NALF1: variants seen among roughly 807,000 people sequenced by gnomAD.
NALF1 encodes NALCN channel auxiliary factor 1, also known as family with sequence similarity 155 member A.
Under a neutral mutation model 48.4 loss-of-function variants are expected in NALF1, and 3 were observed. The ratio of observed to expected loss-of-function variants is 0.06; its 90% CI spans 0.03 to 0.16. The LOEUF (loss-of-function observed/expected upper bound fraction) is 0.16. Among genes scored for constraint, NALF1 ranks in the 10% least tolerant of loss-of-function variants. The pLI is 1.00. For synonymous variants in NALF1, 262 were observed against 245.7 expected (o/e 1.07, Z -0.62); for missense variants, 526 against 571.5 (o/e 0.92, Z 0.81).
chr13:107,596,277 T>A (rs766458785), intron 1 of NALF1, among the ~76,000 whole-genome samples: 20 of 152,298 alleles, frequency 1.3e-4, no homozygotes, highest in South Asian at 4.1e-4. Context: ...TCCTCAAGGA[T>A]CTAGAATCAG....
intron 2 of NALF1, among the ~76,000 whole-genome samples, chr13:107,190,068 G>T (rs1879251017): frequency 1.3e-5 from 2 of 152,130 alleles, no homozygotes; most frequent in Non-Finnish European, 2.9e-5. Context: ...TGGCACTGAG[G>T]GGTCCACATT....
intron 1 of NALF1, among the ~76,000 whole-genome samples, chr13:107,355,758 A>G (rs1371407933): frequency 6.6e-6 from 1 of 152,150 alleles, no homozygotes; most frequent in Admixed American, 6.5e-5. Context: ...CTGTGGAATG[A>G]TGACCAAATT....
At chr13:107,443,312 T>C (rs1360401786) in intron 1 of NALF1, among the ~76,000 whole-genome samples, 1 of 151,862 alleles carries the variant, frequency 6.6e-6, no homozygotes, top group Admixed American at 6.6e-5. Context: ...ACCTCCGGGG[T>C]TCAAGTGATT....
At chr13:107,205,425 GGT>G (rs1491173432) in intron 2 of NALF1, among the ~76,000 whole-genome samples, 2 of 151,356 alleles carry the variant, frequency 1.3e-5, no homozygotes, top group Admixed American at 1.3e-4. Flanking sequence ...CCTCCCCTCA[GGT>G]TATTCCCTTC....
intron 1 of NALF1, among the ~76,000 whole-genome samples, chr13:107,608,364 G>A (rs533828563): frequency 1.3e-5 from 2 of 152,310 alleles, no homozygotes; most frequent in Admixed American, 6.5e-5. Flanking sequence ...AGAATCTACA[G>A]ATAATTCCAG....
chr13:107,749,644 T>C lies in NALF1; in HGVS notation c.915+116038A>G, dbSNP rs1273006018. 2.6e-5 allele frequency among the ~76,000 whole-genome samples: 4 copies of C among 152,036 alleles called. No individual in the cohort carries two copies. The South Asian group carries it at 8.3e-4, about 32-fold the overall frequency. On this transcript the variant is annotated intron_variant, in intron 1 of 2. Coordinates refer to ENST00000375915, the MANE Select transcript of NALF1 (RefSeq NM_001080396.3). ...TTTTACATACTACAGTATACTGTAG[T>C]TGTTCATAGTATATCTTCAAAATCT...
intron 1 of NALF1, among the ~76,000 whole-genome samples, chr13:107,263,546 A>G (rs932960623): frequency 1.3e-5 from 2 of 152,124 alleles, no homozygotes; most frequent in Non-Finnish European, 1.5e-5. Flanking sequence ...TCATGGGGGC[A>G]GTTCCCCCAT....
At chr13:107,808,426 A>C (rs1376653458) in intron 1 of NALF1, among the ~76,000 whole-genome samples, 2 of 152,056 alleles carry the variant, frequency 1.3e-5, no homozygotes, top group African/African-American at 4.8e-5. Flanking sequence ...ATTTTTCCCA[A>C]GATTTGTCCT....
intron 1 of NALF1, among the ~76,000 whole-genome samples, chr13:107,366,441 A>G (rs1309781065): frequency 2.0e-5 from 3 of 152,206 alleles, no homozygotes; most frequent in Non-Finnish European, 4.4e-5. Context: ...ACTGCAATCA[A>G]AAAAAGGCCT....
At chr13:107,574,783 A>G (rs1878088324) in intron 1 of NALF1, among the ~76,000 whole-genome samples, 1 of 152,210 alleles carries the variant, frequency 6.6e-6, no homozygotes. Flanking sequence ...TCTGCATATC[A>G]ATGAACAGCC....
At chr13:107,365,976 C>A (rs892319840) in intron 1 of NALF1, among the ~76,000 whole-genome samples, 1 of 152,178 alleles carries the variant, frequency 6.6e-6, no homozygotes, top group South Asian at 2.1e-4. Flanking sequence ...CAAAGCCTCT[C>A]GTGGGCTCTG....
intron 1 of NALF1, among the ~76,000 whole-genome samples, chr13:107,340,924 T>C (rs1882668362): frequency 6.6e-6 from 1 of 152,086 alleles, no homozygotes; most frequent in Non-Finnish European, 1.5e-5. Context: ...AGAGAAGAAA[T>C]TTAGGTGAGA....
At chr13:107,688,984 G>A (rs960263674) in intron 1 of NALF1, among the ~76,000 whole-genome samples, 7 of 152,180 alleles carry the variant, frequency 4.6e-5, no homozygotes, top group East Asian at 3.8e-4. Flanking sequence ...AAATGGTGTC[G>A]AAGGACAAAT....
chr13:107,555,129 A>G (rs1282664073), intron 1 of NALF1, among the ~76,000 whole-genome samples: 1 of 152,174 alleles, frequency 6.6e-6, no homozygotes, highest in Non-Finnish European at 1.5e-5. Context: ...ATCATTAAGC[A>G]GGCTGCTTAA....
chr13:107,369,106 A>T (rs1405329090), intron 1 of NALF1, among the ~76,000 whole-genome samples: 1 of 152,162 alleles, frequency 6.6e-6, no homozygotes, highest in Admixed American at 6.5e-5. Context: ...AAAGTAGAGC[A>T]CTTTTCTTCG....
At position 107,499,408 on chromosome 13, in the gene NALF1, A is replaced by G. The variant is rs879729147; in HGVS notation, c.916-288653T>C. On this transcript the variant is annotated intron_variant, in intron 1 of 2. Transcript: ENST00000375915. ...CACCCAGGCTGGAGTGCCATTGCAC[A>G]ATCATAGCTCACTGCAGCCGCAAAC... 4.2e-4 allele frequency among the ~76,000 whole-genome samples: 64 copies of G among 152,302 alleles called. 1 individual carries two copies. The highest frequency in any genetic ancestry group is 1.4e-3 in the African/African-American group (57 of 41,576).
At chr13:107,209,741 T>C (rs1297488542) in intron 2 of NALF1, among the ~76,000 whole-genome samples, 2 of 152,160 alleles carry the variant, frequency 1.3e-5, no homozygotes, top group African/African-American at 2.4e-5. Flanking sequence ...GATGGTGTTT[T>C]ATCCTTACAC....
At chr13:107,478,969 A>T (rs2139059016) in intron 1 of NALF1, among the ~76,000 whole-genome samples, 1 of 152,316 alleles carries the variant, frequency 6.6e-6, no homozygotes, top group Non-Finnish European at 1.5e-5. Flanking sequence ...GTTCAAAAGT[A>T]TCTTCAGGGT....
At chr13:107,579,809 A>G (rs1265013761) in intron 1 of NALF1, among the ~76,000 whole-genome samples, 1 of 152,000 alleles carries the variant, frequency 6.6e-6, no homozygotes, top group African/African-American at 2.4e-5. Flanking sequence ...ATCTCCCAAT[A>G]CTATCCCTTC....
Sources: allele counts gnomAD v4.1 joint callset (sites outside exome capture counted in the v4.1 genomes callset), GRCh38; gene constraint gnomAD v4.1.1; transcripts MANE v1.5; gene names NCBI Gene and HGNC (gene_info 2026-07-23, HGNC 2026-07-21).